XRCC2: variants seen among roughly 807,000 people sequenced by gnomAD.
XRCC2 encodes X-ray repair cross complementing 2, also known as DNA repair protein XRCC2.
A neutral mutation model predicts 27.3 loss-of-function variants in XRCC2; 24 were observed. The observed-to-expected ratio is 0.88, with a 90% CI of 0.64 to 1.24. The LOEUF (loss-of-function observed/expected upper bound fraction) is 1.24, where lower values mean the gene tolerates loss of function less well. Ranked by LOEUF, XRCC2 falls within the 50% of genes most tolerant of loss-of-function variation. The pLI is 0.00. For synonymous variants in XRCC2, 106 were observed against 115.4 expected, an observed-to-expected ratio of 0.92 and a Z score of 0.52; for missense variants, 321 against 325.8, an observed-to-expected ratio of 0.99 and a Z score of 0.11.
chr7:152,666,089 C>T (rs2098035507), intron 1 of XRCC2, among the ~76,000 whole-genome samples: 1 of 151,688 alleles, frequency 6.6e-6, no homozygotes, highest in African/African-American at 2.4e-5. Flanking sequence ...CAGCTTTTTT[C>T]ATAAAAATAT....
chr7:152,649,776 T>C (rs1037376097), intron 2 of XRCC2, among the ~76,000 whole-genome samples: 8 of 152,188 alleles, frequency 5.3e-5, no homozygotes, highest in African/African-American at 1.9e-4. Context: ...TTAAAACTAT[T>C]TTTCATAGTC....
rs1439517091 is a variant in XRCC2 at position 152,647,977 on chromosome 7, A to T, written c.*665T>A. ...TAATCTTTTAAAAGTTCCTTTGTGA[A>T]GAAATATTGGTGGTAAATTAATACA... On this transcript the variant is annotated 3_prime_UTR_variant, in exon 3 of 3. Transcript: ENST00000359321. The T allele has an allele frequency of 2.0e-5, 3 of 152,204 alleles. No homozygotes were observed. The highest frequency in any genetic ancestry group is 7.2e-5 in the African/African-American group (3 of 41,456). The allele number at this position is 152,204 out of a possible 1,614,324, so 9.4% of individuals were successfully genotyped here. A position where few individuals can be genotyped will look rare whatever the true frequency, so the allele number is the denominator to read the frequency against.
At chr7:152,663,990 G>A (rs2098034527) in intron 1 of XRCC2, 1 of 152,266 alleles carries the variant, frequency 6.6e-6, no homozygotes, top group Non-Finnish European at 1.5e-5. Context: ...GGTTGACTAT[G>A]TCCACATGGC....
rs1219996290 is a variant in XRCC2 at position 152,645,369 on chromosome 7, A to C, written c.*3273T>G. 1.3e-5 allele frequency: 2 copies of C among 152,160 alleles called. No individual in the cohort carries two copies. Among genetic ancestry groups the C allele is most frequent in the Non-Finnish European group, 2.9e-5 (2 of 68,024 alleles). The allele number at this position is 152,160 out of a possible 1,614,324, so 9.4% of individuals were successfully genotyped here. ...AGCAATCCTCCCTCCTTGGCCTCCC[A>C]AAGTGCTGGGATTACAGTTGTGAGC... On this transcript the variant is annotated 3_prime_UTR_variant, in exon 3 of 3. Transcript: ENST00000359321.
intron 2 of XRCC2, among the ~76,000 whole-genome samples, chr7:152,658,871 T>C (rs1004681056): frequency 1.7e-4 from 26 of 152,252 alleles, no homozygotes; most frequent in African/African-American, 4.8e-4. Context: ...TATAAGCACA[T>C]TGATGGACAT....
At chr7:152,675,620 A>G (rs1226560781) in intron 1 of XRCC2, among the ~76,000 whole-genome samples, 1 of 152,194 alleles carries the variant, frequency 6.6e-6, no homozygotes, top group Non-Finnish European at 1.5e-5. Context: ...CACCTGTTCC[A>G]GAAAAGCTCC....
rs761161980 is a variant in XRCC2, at chr7:152,660,742, A to G, written c.80T>C (p.Ile27Thr). ...TTCATCAGCAAACAGATTTGGTTCTATTTCTTTCAAGGAACTTCTACCTTC... is the reference window on the plus strand; with the variant it reads ...TTCATCAGCAAACAGATTTGGTTCTGTTTCTTTCAAGGAACTTCTACCTTC... ...RLEGRSSLKE[I>T]EPNLFADEDS... The change falls in exon 2 of 3, where the codon ATA becomes ACA. Residue 27 changes from isoleucine to threonine, a missense_variant. By Grantham distance (89) the Ile-to-Thr change is moderately conservative. Transcript: ENST00000359321. 20 of 1,613,620 alleles carry G rather than the reference A, an allele frequency of 1.2e-5. No individual in the cohort carries two copies. In the East Asian group the frequency reaches 1.3e-4, roughly 11 times the overall value.
chr7:152,674,698 T>TATATATAATATATATTTAAAA lies in XRCC2; in HGVS notation c.39+1342_39+1343insTTTTAAATATATATTATATAT, dbSNP rs1563035215. Among the ~76,000 whole-genome samples, 21 of 69,736 alleles carry TATATATAATATATATTTAAAA rather than the reference T, an allele frequency of 3.0e-4. 3 individuals carry two copies. Among genetic ancestry groups the TATATATAATATATATTTAAAA allele is most frequent in the African/African-American group, 2.0e-3 (21 of 10,590 alleles). 45.7% of individuals were successfully genotyped at this position (69,736 alleles called of 152,430 possible). A position where few individuals can be genotyped will look rare whatever the true frequency, so the allele number is the denominator to read the frequency against. On this transcript the variant is annotated intron_variant, in intron 1 of 2. Coordinates refer to ENST00000359321, the MANE Select transcript of XRCC2 (RefSeq NM_005431.2). ...TCTATATTATAAATATATTTTTAAA[T>TATATATAATATATATTTAAAA]ATATATTTATATAATATATTTTTAA...
Position 152,647,022 on chromosome 7 carries a change from AAC to A in XRCC2, c.*1618_*1619del, listed in dbSNP as rs1480042558. 2.0e-5 allele frequency: 3 copies of A among 152,208 alleles called. No homozygotes were observed. The highest frequency in any genetic ancestry group is 3.8e-4 in the East Asian group (2 of 5,198). The allele number at this position is 152,208 out of a possible 1,614,324, so 9.4% of individuals were successfully genotyped here. On this transcript the variant is annotated 3_prime_UTR_variant, in exon 3 of 3. Transcript: ENST00000359321. Reference sequence around the variant, plus strand: ...AACTAATTTAATTTACATTTCCACCAACAGTGTATAAGCATATCTTTTTCTCC... The same window carrying A: ...AACTAATTTAATTTACATTTCCACCAAGTGTATAAGCATATCTTTTTCTCC...
chr7:152,660,822 A>G lies in XRCC2; in HGVS notation c.40-40T>C, dbSNP rs1462223794. On this transcript the variant is annotated intron_variant, in intron 1 of 2. Coordinates refer to ENST00000359321, the MANE Select transcript of XRCC2 (RefSeq NM_005431.2). The stretch of plus-strand genomic sequence containing the variant: ...GAGAAGGAAAACTCATTATTTAAAA[A>G]TATAAAATCCTAGACATCTATATTT... The G allele has an allele frequency of 1.5e-5, 23 of 1,515,440 alleles. No homozygotes were observed. In the East Asian group the frequency reaches 4.7e-4, roughly 31 times the overall value. 93.9% of individuals were successfully genotyped at this position (1,515,440 alleles called of 1,614,324 possible).
chr7:152,658,718 A>G (rs2116997646), intron 2 of XRCC2, among the ~76,000 whole-genome samples: 1 of 135,542 alleles, frequency 7.4e-6, no homozygotes, highest in South Asian at 2.4e-4. Context: ...TCATTTACCA[A>G]TGTCCTCAAG....
At chr7:152,664,637 G>C (rs541978793) in intron 1 of XRCC2, among the ~76,000 whole-genome samples, 1 of 152,256 alleles carries the variant, frequency 6.6e-6, no homozygotes, top group East Asian at 1.9e-4. Flanking sequence ...TTCAGACTCA[G>C]ACTGAATTAC....
At chr7:152,667,971 T>C (rs1295309605) in intron 1 of XRCC2, among the ~76,000 whole-genome samples, 1 of 145,008 alleles carries the variant, frequency 6.9e-6, no homozygotes, top group African/African-American at 2.6e-5. Context: ...GAGGTTGCAG[T>C]GAGCCGAGAT....
At position 152,649,009 on chromosome 7, in the gene XRCC2, C is replaced by T. The variant is rs367696886; in HGVS notation, c.476G>A (p.Arg159His). ...DSLSAFYWID[R>H]VNGGESVNLQ... ...GTTCACACTTTCTCCTCCATTGACG[C>T]GGTCTATCCAGTAAAAAGCTGACAG... The change falls in exon 3 of 3, where the codon CGC (arginine) becomes CAC (histidine). Residue 159 changes from arginine to histidine, a missense_variant. Arg to His is a conservative substitution (Grantham distance 29, BLOSUM62 0). Transcript: ENST00000359321. The T allele has an allele frequency of 5.3e-5, 86 of 1,614,062 alleles. No homozygotes were observed. The highest frequency in any genetic ancestry group is 9.3e-5 in the African/African-American group (7 of 74,932).
intron 1 of XRCC2, among the ~76,000 whole-genome samples, chr7:152,667,432 AAAG>A (rs1409408787): frequency 6.6e-6 from 1 of 150,424 alleles, no homozygotes; most frequent in Non-Finnish European, 1.5e-5. Flanking sequence ...AAAAAGAAAA[AAAG>A]TATTATAATT....
intron 2 of XRCC2, among the ~76,000 whole-genome samples, chr7:152,653,186 A>G (rs2098029274): frequency 6.6e-6 from 1 of 152,032 alleles, no homozygotes; most frequent in Non-Finnish European, 1.5e-5. Context: ...TGCTTATTAT[A>G]AGGGAGAATT....
chr7:152,675,900 G>A, intron 1 of XRCC2, 141 bp downstream of exon 1: 1 of 1,089,342 alleles, frequency 9.2e-7, no homozygotes, highest in Non-Finnish European at 1.3e-6. Context: ...CAGCATCGCG[G>A]GCGTCTAGGC....
chr7:152,650,488 C>G (rs1475336317), intron 2 of XRCC2, among the ~76,000 whole-genome samples: 1 of 152,224 alleles, frequency 6.6e-6, no homozygotes, highest in Non-Finnish European at 1.5e-5. Context: ...AATGCACTCA[C>G]AGTGGCATTC....
chr7:152,657,166 G>T (rs1194463991), intron 2 of XRCC2, among the ~76,000 whole-genome samples: 1 of 144,250 alleles, frequency 6.9e-6, no homozygotes, highest in East Asian at 2.1e-4. Context: ...AACCCAGGAG[G>T]AGGAGGTTGC....
Sources: allele counts gnomAD v4.1 joint callset (sites outside exome capture counted in the v4.1 genomes callset), GRCh38; gene constraint gnomAD v4.1.1; transcripts MANE v1.5; gene names NCBI Gene and HGNC (gene_info 2026-07-23, HGNC 2026-07-21).